The following KMT2C variants were observed in gnomAD, a reference collection of about 807,000 sequenced individuals.
KMT2C encodes the protein histone-lysine N-methyltransferase 2C.
A neutral mutation model predicts 507.9 loss-of-function variants in KMT2C; 88 were observed. That is an observed-to-expected ratio of 0.17 (90% CI 0.15 to 0.21). KMT2C has a LOEUF of 0.21. Among genes scored for constraint, KMT2C ranks in the 10% least tolerant of loss-of-function variants. The probability of loss-of-function intolerance (pLI) is 1.00; values close to 1 mark genes in which losing one functional copy is unlikely to be tolerated. For synonymous variants in KMT2C, 2,049 were observed against 2,080.8 expected (o/e 0.98, Z 0.42); for missense variants, 4,954 against 5,957.8 (o/e 0.83, Z 5.55).
intron 14 of KMT2C, among the ~76,000 whole-genome samples, chr7:152,241,504 C>T (rs2095384929): frequency 6.6e-6 from 1 of 152,252 alleles, no homozygotes; most frequent in South Asian, 2.1e-4. Context: ...CTGGCGTTTT[C>T]TAACCCTTCA....
chr7:152,234,423 C>A (rs973694314), intron 16 of KMT2C, among the ~76,000 whole-genome samples: 39 of 151,842 alleles, frequency 2.6e-4, no homozygotes, highest in African/African-American at 8.2e-4. Context: ...CAACAAAAAC[C>A]CCCCACAAAG....
chr7:152,217,992 A>G (rs2094630175), intron 23 of KMT2C, among the ~76,000 whole-genome samples: 1 of 152,188 alleles, frequency 6.6e-6, no homozygotes, highest in Admixed American at 6.5e-5. Flanking sequence ...ATTCCTCCTA[A>G]GTATATGGAC....
chr7:152,223,503 T>C (rs1292174964), intron 20 of KMT2C, among the ~76,000 whole-genome samples: 2 of 152,090 alleles, frequency 1.3e-5, no homozygotes, highest in Admixed American at 6.6e-5. Context: ...ATTAAAAATC[T>C]TTAGTCTTGG....
At chr7:152,423,542 G>A (rs982015756) in intron 1 of KMT2C, among the ~76,000 whole-genome samples, 3 of 152,186 alleles carry the variant, frequency 2.0e-5, no homozygotes, top group African/African-American at 4.8e-5. Flanking sequence ...TAGCCATCAA[G>A]GAATCTTAGG....
rs113607331 is a variant in KMT2C, at chr7:152,411,007, A to T, written c.161+24619T>A. On this transcript the variant is annotated intron_variant, in intron 1 of 58. Coordinates refer to ENST00000262189, the MANE Select transcript of KMT2C (RefSeq NM_170606.3). ...GACAGAGCGAGACCAAGTCTCAAAA[A>T]AAATATATATATGGTGTGTGTATAT... Among the ~76,000 whole-genome samples, 30 of 151,442 alleles carry T rather than the reference A, an allele frequency of 2.0e-4. 1 individual carries two copies. Among genetic ancestry groups the T allele is most frequent in the African/African-American group, 6.8e-4 (28 of 41,200 alleles).
At chr7:152,352,697 T>C (rs1007303164) in intron 2 of KMT2C, among the ~76,000 whole-genome samples, 1 of 152,214 alleles carries the variant, frequency 6.6e-6, no homozygotes, top group South Asian at 2.1e-4. Flanking sequence ...CCGATATCCC[T>C]TGAGCCTAAA....
At position 152,148,265 on chromosome 7, in the gene KMT2C, G is replaced by A. The variant is rs769689168; in HGVS notation, c.13662C>T (p.Ile4554=). ...RDHTFRVGSL[I]FHTIGQLLPQ... ...GAAGCAGCTGACCAATTGTGTGGAA[G>A]ATGAGGCTACCCACGCGAAAGGTAT... The change falls in exon 52 of 59, where the codon ATC becomes ATT. Residue 4554 remains isoleucine, a synonymous_variant. Coordinates refer to ENST00000262189, the MANE Select transcript of KMT2C (RefSeq NM_170606.3). The surrounding 1 kb of genome is among the most constrained non-coding windows in gnomAD (Gnocchi z 7.1). The A allele has an allele frequency of 6.2e-7, 1 of 1,614,272 alleles. No homozygotes were observed. Among genetic ancestry groups the A allele is most frequent in the Non-Finnish European group, 8.5e-7 (1 of 1,180,054 alleles).
chr7:152,287,173 C>T (rs2096314865), intron 6 of KMT2C, among the ~76,000 whole-genome samples: 1 of 152,112 alleles, frequency 6.6e-6, no homozygotes, highest in African/African-American at 2.4e-5. Flanking sequence ...CAACACCCAC[C>T]CAGTGATAAG....
chr7:152,255,140 TATATAC>T lies in KMT2C; in HGVS notation c.1300-2431_1300-2426del, dbSNP rs1191597953. 1.2e-4 allele frequency among the ~76,000 whole-genome samples: 15 copies of T among 125,436 alleles called. 1 individual carries two copies. Among genetic ancestry groups the T allele is most frequent in the African/African-American group, 4.4e-4 (13 of 29,660 alleles). 82.3% of individuals were successfully genotyped at this position (125,436 alleles called of 152,430 possible). A position where few individuals can be genotyped will look rare whatever the true frequency, so the allele number is the denominator to read the frequency against. ...ATATATATATATATATATATATATATATATACATATATATATATGTGTGTGTGTGTG... is the reference window on the plus strand; with the variant it reads ...ATATATATATATATATATATATATATATATATATATATGTGTGTGTGTGTG... On this transcript the variant is annotated intron_variant, in intron 9 of 58. Transcript: ENST00000262189.
At chr7:152,151,307 G>A (rs1019038961) in intron 50 of KMT2C, 135 bp downstream of exon 50, 33 of 867,582 alleles carry the variant, frequency 3.8e-5, no homozygotes, top group South Asian at 3.8e-4. Context: ...TCTGATATAC[G>A]CTGGTGCCAT....
chr7:152,396,075 GCTA>G lies in KMT2C; in HGVS notation c.162-37403_162-37401del, dbSNP rs568463171. Among the ~76,000 whole-genome samples, 859 of 152,246 alleles carry G rather than the reference GCTA, an allele frequency of 5.6e-3. 5 individuals carry two copies. The highest frequency in any genetic ancestry group is 0.02 in the African/African-American group (824 of 41,536). The stretch of plus-strand genomic sequence containing the variant: ...TCAATGATCAGCCCCAAATCAAACA[GCTA>G]CTAAGTGTGAGGCTGGGATTTGAAC... On this transcript the variant is annotated intron_variant, in intron 1 of 58. Transcript: ENST00000262189.
chr7:152,333,002 C>A (rs2096898543), intron 2 of KMT2C, among the ~76,000 whole-genome samples: 1 of 152,168 alleles, frequency 6.6e-6, no homozygotes, highest in Admixed American at 6.5e-5. Flanking sequence ...ACACCAGGAT[C>A]ACTTCCTCCT....
At chr7:152,255,144 TAC>T (rs1179480539) in intron 9 of KMT2C, among the ~76,000 whole-genome samples, 302 of 120,236 alleles carry the variant, frequency 2.5e-3, no homozygotes, top group African/African-American at 7.4e-3. Flanking sequence ...TATATATATA[TAC>T]ATATATATAT....
chr7:152,386,024 T>C (rs556736395), intron 1 of KMT2C, among the ~76,000 whole-genome samples: 11 of 151,608 alleles, frequency 7.3e-5, no homozygotes, highest in African/African-American at 2.4e-4. Flanking sequence ...AGAGGCGAGG[T>C]TGCAGTGAGC....
At chr7:152,231,898 G>A (rs1473287601) in intron 16 of KMT2C, among the ~76,000 whole-genome samples, 1 of 151,834 alleles carries the variant, frequency 6.6e-6, no homozygotes, top group Non-Finnish European at 1.5e-5. Flanking sequence ...GTTTGTTTTT[G>A]AGACAGAGTC....
chr7:152,386,353 CAG>C (rs2097426486), intron 1 of KMT2C, among the ~76,000 whole-genome samples: 1 of 152,310 alleles, frequency 6.6e-6, no homozygotes, highest in African/African-American at 2.4e-5. Flanking sequence ...TCCCACTTTA[CAG>C]AAAGAAACAC....
intron 3 of KMT2C, among the ~76,000 whole-genome samples, chr7:152,320,233 A>T (rs1300893485): frequency 6.6e-6 from 1 of 151,946 alleles, no homozygotes; most frequent in Non-Finnish European, 1.5e-5. Context: ...TCCAAAACAC[A>T]TCTGGTCCCA....
chr7:152,290,262 A>ATGTGTGTGTGTG (rs1481976340), intron 6 of KMT2C, among the ~76,000 whole-genome samples: 2 of 19,518 alleles, frequency 1.0e-4, no homozygotes, highest in African/African-American at 2.4e-4. Context: ...GTATGTGTAT[A>ATGTGTGTGTGTG]TATATATATA....
chr7:152,325,309 C>T (rs1004917752), intron 3 of KMT2C, among the ~76,000 whole-genome samples: 2 of 149,474 alleles, frequency 1.3e-5, no homozygotes, highest in Non-Finnish European at 3.0e-5. Context: ...CCACCACGCC[C>T]AGCTAATTTT....
Sources: allele counts gnomAD v4.1 joint callset (sites outside exome capture counted in the v4.1 genomes callset), GRCh38; gene constraint gnomAD v4.1.1; non-coding constraint Gnocchi (gnomAD v3.1); transcripts MANE v1.5; gene names NCBI Gene and HGNC (gene_info 2026-07-23, HGNC 2026-07-21).